Variants in FBN2 observed in about 807,000 individuals in gnomAD.
The protein encoded by FBN2 is fibrillin 2.
Under a neutral mutation model 355.6 loss-of-function variants are expected in FBN2, and 105 were observed. The observed-to-expected ratio is 0.30, with a 90% CI of 0.25 to 0.35. The LOEUF (loss-of-function observed/expected upper bound fraction) is 0.35. FBN2 is among the 10% of genes least tolerant of loss of function. FBN2 has a pLI of 1.00. For missense variants in FBN2, 3,280 were observed against 3,758.7 expected (o/e 0.87, Z 3.33); for synonymous variants, 1,350 against 1,301.2 (o/e 1.04, Z -0.81).
At chr5:128,516,871 T>C (rs998351907) in intron 5 of FBN2, among the ~76,000 whole-genome samples, 7 of 152,202 alleles carry the variant, frequency 4.6e-5, no homozygotes, top group African/African-American at 1.7e-4. Flanking sequence ...ATTATACATG[T>C]ATAAATTCAA....
chr5:128,481,947 T>C (rs1755203244), intron 5 of FBN2, among the ~76,000 whole-genome samples: 1 of 152,148 alleles, frequency 6.6e-6, no homozygotes, highest in African/African-American at 2.4e-5. Context: ...GCAAATCTTA[T>C]ACTGTGGGTT....
At chr5:128,466,172 T>C (rs564735743) in intron 5 of FBN2, among the ~76,000 whole-genome samples, 2 of 152,350 alleles carry the variant, frequency 1.3e-5, no homozygotes, top group Admixed American at 6.5e-5. Flanking sequence ...TTTCTGAGGA[T>C]TCACCAATTC....
chr5:128,326,965 T>C (rs1295457022), intron 34 of FBN2, among the ~76,000 whole-genome samples: 3 of 152,196 alleles, frequency 2.0e-5, no homozygotes, highest in Admixed American at 6.5e-5. Flanking sequence ...AAATCCTGTC[T>C]GGGTATAAAG....
chr5:128,438,618 A>T (rs1297885535), intron 7 of FBN2, among the ~76,000 whole-genome samples: 1 of 152,180 alleles, frequency 6.6e-6, no homozygotes, highest in Non-Finnish European at 1.5e-5. Flanking sequence ...TGTGCCATAG[A>T]TGTACCTACT....
intron 47 of FBN2, among the ~76,000 whole-genome samples, 168 bp from the exon 48 acceptor site, chr5:128,301,104 C>A (rs1477416569): frequency 6.6e-6 from 1 of 152,156 alleles, no homozygotes. Context: ...TTGGATATTT[C>A]TTATTTGGCA....
At chr5:128,429,192 C>G (rs1302368294) in intron 7 of FBN2, among the ~76,000 whole-genome samples, 9 of 152,180 alleles carry the variant, frequency 5.9e-5, no homozygotes, top group Non-Finnish European at 1.3e-4. Context: ...TCATGGATGA[C>G]ACTTTTCAAA....
intron 60 of FBN2, 79 bp from the exon 61 acceptor site, chr5:128,274,047 T>C (rs1440368764): frequency 6.5e-7 from 1 of 1,540,384 alleles, no homozygotes. Context: ...TAAAAAGCAA[T>C]GTATGAAAAC....
At chr5:128,465,503 C>T (rs76803220) in intron 5 of FBN2, among the ~76,000 whole-genome samples, 18,235 of 152,184 alleles carry the variant, frequency 0.12, 1,222 homozygotes, top group African/African-American at 0.18. Flanking sequence ...AGATATGCTC[C>T]TTCCATATCA....
At chr5:128,500,006 T>C (rs564593573) in intron 5 of FBN2, among the ~76,000 whole-genome samples, 59 of 152,300 alleles carry the variant, frequency 3.9e-4, no homozygotes, top group Non-Finnish European at 6.6e-4. Context: ...CGTTTCTTGA[T>C]TGAGTAATAT....
At chr5:128,305,228 G>T (rs983142515) in intron 44 of FBN2, 146 bp from the exon 45 acceptor site, 5 of 843,036 alleles carry the variant, frequency 5.9e-6, no homozygotes, top group Non-Finnish European at 9.5e-6. Context: ...AAAATGAGCA[G>T]GACTTCAAAG....
At position 128,278,810 on chromosome 5, in the gene FBN2, T is replaced by C; in HGVS notation, c.7170A>G (p.Val2390=). 5 of 1,613,724 alleles carry C rather than the reference T, an allele frequency of 3.1e-6. No individual in the cohort carries two copies. The highest frequency in any genetic ancestry group is 4.2e-6 in the Non-Finnish European group (5 of 1,179,748). Residue 2390 remains valine, a synonymous_variant, in exon 57 of 65, where the codon GTA becomes GTG. Transcript: ENST00000262464. ...ATGCCATTTGACATATTGTCTGCAG[T>C]ACCTCTGCAAAGCAGAGACCCTGTC... The part of the protein sequence containing the change: ...DNRQGLCFAE[V]LQTICQMASS...
chr5:128,349,443 C>T lies in FBN2; in HGVS notation c.2893G>A (p.Val965Ile), dbSNP rs154001. 0.69 allele frequency: 1,119,671 copies of T among 1,613,198 alleles called. 390,972 individuals are homozygous for T. The highest frequency in any genetic ancestry group is 0.92 in the East Asian group (41,190 of 44,862). Residue 965 changes from valine (V) to isoleucine (I), a missense_variant, in exon 23 of 65, where the codon GTT becomes ATT. By Grantham distance (29) the Val-to-Ile change is conservative (BLOSUM62 3). Transcript: ENST00000262464. ...DVNECEVFPG[V>I]CPNGRCVNSK... ...TTGACACAGCGTCCATTTGGACAAA[C>T]GCCAGGGAACACCTCACACTCATTA...
chr5:128,338,101 T>C lies in FBN2; in HGVS notation c.3494A>G (p.Asn1165Ser). ...NCMDIDECER[N>S]PLLCRGGTCV... ...GGTGCCACCCCTACAAAGGAGAGGG[T>C]TACGTTCACATTCGTCAATGTCTGA... Residue 1165 changes from asparagine (N) to serine (S), a missense_variant, in exon 27 of 65, where the codon AAC becomes AGC. Physicochemically the swap from Asn to Ser is conservative, Grantham distance 46. Around this residue, in one of 6 missense-constraint regions of FBN2, gnomAD observed 2,284 missense variants for 2,749.5 expected, o/e 0.83. Coordinates refer to ENST00000262464, the MANE Select transcript of FBN2 (RefSeq NM_001999.4). 6.2e-7 allele frequency: 1 copy of C among 1,614,038 alleles called. No homozygotes were observed. Among genetic ancestry groups the C allele is most frequent in the South Asian group, 1.1e-5 (1 of 91,076 alleles).
chr5:128,296,717 T>G (rs1413754791), intron 48 of FBN2, among the ~76,000 whole-genome samples: 1 of 152,218 alleles, frequency 6.6e-6, no homozygotes, highest in Non-Finnish European at 1.5e-5. Context: ...ATCTATTTGA[T>G]TCTTCTCTCT....
At chr5:128,476,644 C>T (rs1755011567) in intron 5 of FBN2, among the ~76,000 whole-genome samples, 1 of 151,146 alleles carries the variant, frequency 6.6e-6, no homozygotes, top group African/African-American at 2.4e-5. Context: ...AAATACAAGT[C>T]AAATTTGACA....
chr5:128,462,549 C>T (rs1754586400), intron 6 of FBN2, among the ~76,000 whole-genome samples: 1 of 152,132 alleles, frequency 6.6e-6, no homozygotes, highest in African/African-American at 2.4e-5. Context: ...CTGTGTTAAT[C>T]CCTCAGATTT....
intron 5 of FBN2, among the ~76,000 whole-genome samples, chr5:128,475,368 C>G (rs148551127): frequency 2.5e-4 from 38 of 152,170 alleles, no homozygotes; most frequent in Middle Eastern, 3.4e-3. Flanking sequence ...CTCTTTAGTT[C>G]AGGAGAGTGA....
intron 5 of FBN2, among the ~76,000 whole-genome samples, chr5:128,478,675 A>G (rs898507631): frequency 1.3e-5 from 2 of 152,200 alleles, no homozygotes; most frequent in Admixed American, 1.3e-4. Flanking sequence ...ATCCAGAAAT[A>G]TGGTCTAACT....
intron 46 of FBN2, among the ~76,000 whole-genome samples, chr5:128,302,653 T>G (rs1749750726): frequency 6.6e-6 from 1 of 152,210 alleles, no homozygotes; most frequent in South Asian, 2.1e-4. Context: ...GAAGGGTCTA[T>G]TTTTGATCTC....
Sources: allele counts gnomAD v4.1 joint callset (sites outside exome capture counted in the v4.1 genomes callset), GRCh38; gene constraint gnomAD v4.1.1; regional missense constraint gnomAD v4.1.1; transcripts MANE v1.5; gene names NCBI Gene and HGNC (gene_info 2026-07-23, HGNC 2026-07-21).